Variants in ARAP2 observed in about 807,000 individuals in gnomAD.
The protein encoded by ARAP2 is arf-GAP with Rho-GAP domain, ANK repeat and PH domain-containing protein 2.
ARAP2 carries 148 observed loss-of-function variants against 194.5 expected under a neutral mutation model. The observed-to-expected ratio is 0.76, with a 90% CI of 0.67 to 0.87. The LOEUF (loss-of-function observed/expected upper bound fraction) is 0.87. Ranked by LOEUF, ARAP2 falls within the 40% of genes least tolerant of loss-of-function variation. ARAP2 has a pLI of 0.00. For synonymous variants in ARAP2, 695 were observed against 683.5 expected, an observed-to-expected ratio of 1.02 and a Z score of -0.26; for missense variants, 2,128 against 1,989.7, an observed-to-expected ratio of 1.07 and a Z score of -1.32.
chr4:36,192,426 G>C (rs1434604575), intron 7 of ARAP2, among the ~76,000 whole-genome samples: 12 of 152,114 alleles, frequency 7.9e-5, no homozygotes, highest in Non-Finnish European at 1.3e-4. Flanking sequence ...CAGAGGGAAA[G>C]AGGGAAAAAC....
At chr4:36,114,317 A>G (rs554263312) in intron 25 of ARAP2, 30 bp from the exon 26 acceptor site, 2 of 1,380,902 alleles carry the variant, frequency 1.4e-6, no homozygotes, top group Admixed American at 1.9e-5. Context: ...TTTTCAAAAA[A>G]CGTGTTAGAC....
intron 15 of ARAP2, among the ~76,000 whole-genome samples, chr4:36,154,982 TCAA>T (rs1235017287): frequency 6.6e-6 from 1 of 152,252 alleles, no homozygotes; most frequent in African/African-American, 2.4e-5. Flanking sequence ...TCTGGATAGT[TCAA>T]CTTTTCCTGT....
chr4:36,219,137 A>G (rs1748625428), intron 2 of ARAP2, among the ~76,000 whole-genome samples: 1 of 152,218 alleles, frequency 6.6e-6, no homozygotes, highest in Non-Finnish European at 1.5e-5. Context: ...GCAAATTCAT[A>G]CAACTACTTT....
intron 6 of ARAP2, among the ~76,000 whole-genome samples, chr4:36,208,195 G>C (rs1373128810): frequency 2.0e-5 from 3 of 152,176 alleles, no homozygotes; most frequent in East Asian, 3.8e-4. Flanking sequence ...ATGCAAAGGA[G>C]ACATTTTAGC....
At chr4:36,100,448 T>C (rs747058007) in intron 27 of ARAP2, among the ~76,000 whole-genome samples, 1 of 151,806 alleles carries the variant, frequency 6.6e-6, no homozygotes, top group Non-Finnish European at 1.5e-5. Flanking sequence ...CTCTAAGTGA[T>C]GAAGGGCACA....
Position 36,187,445 on chromosome 4 carries a change from T to C in ARAP2, c.1678+6A>G, listed in dbSNP as rs542132669. ...GTATTTCATATGGATAAATAAATAA[T>C]CTCACCTTCTTTTTCTACTCTAAAA... On this transcript the variant is annotated splice_donor_region_variant and intron_variant, in intron 8 of 32. Coordinates refer to ENST00000303965, the MANE Select transcript of ARAP2 (RefSeq NM_015230.4). The C allele has an allele frequency of 6.5e-6, 9 of 1,381,060 alleles. No homozygotes were observed. In the East Asian group the frequency reaches 1.5e-4, roughly 22 times the overall value. The allele number at this position is 1,381,060 out of a possible 1,614,324, so 85.6% of individuals were successfully genotyped here.
chr4:36,045,662 T>C (rs946972634), intron 5 of ARAP2, among the ~76,000 whole-genome samples: 2 of 152,130 alleles, frequency 1.3e-5, no homozygotes, highest in South Asian at 2.1e-4. Flanking sequence ...TAATAATGTA[T>C]TGTATATTTC....
intron 5 of ARAP2, among the ~76,000 whole-genome samples, chr4:36,038,768 G>A (rs1720353315): frequency 6.6e-6 from 1 of 152,158 alleles, no homozygotes; most frequent in Non-Finnish European, 1.5e-5. Context: ...GGAAGCACAT[G>A]GATAATGTTG....
Position 36,107,663 on chromosome 4 carries a change from A to G in ARAP2, c.4187T>C (p.Leu1396Pro). 6.2e-7 allele frequency: 1 copy of G among 1,609,844 alleles called. No homozygotes were observed. ...TGAACTCCACCGAAGCACCTGCTCC[A>G]GTACATTTTCCTTGTAGTGAAGAGG... ...ERPLHYKENV[L>P]EQVLRWSSLA... Residue 1396 changes from leucine (L) to proline (P), a missense_variant, in exon 27 of 33, where the codon CTG becomes CCG. By Grantham distance (98) the Leu-to-Pro change is moderately conservative. Transcript: ENST00000303965.
At position 36,160,561 on chromosome 4, in the gene ARAP2, G is replaced by T; in HGVS notation, c.2340C>A (p.Asp780Glu). 1 of 1,557,502 alleles carries T rather than the reference G, an allele frequency of 6.4e-7. No individual in the cohort carries two copies. The highest frequency in any genetic ancestry group is 1.3e-5 in the South Asian group (1 of 79,910). The change falls in exon 13 of 33, where the codon GAC becomes GAA. Residue 780 changes from aspartate (D) to glutamate (E), a missense_variant. Physicochemically the swap from Asp to Glu is conservative, Grantham distance 45. Transcript: ENST00000303965. ...AGTTTTTTCTCTTTTCTACTGGTGA[G>T]TCCATATGTAATTCTTCATCCTTTT... is the stretch of plus-strand genomic sequence containing the variant. The part of the protein sequence containing the change: ...NLQKDEELHM[D>E]SPVEKRKNFI...
intron 8 of ARAP2, among the ~76,000 whole-genome samples, chr4:36,185,160 GAC>G (rs1740232071): frequency 6.6e-6 from 1 of 152,194 alleles, no homozygotes. Flanking sequence ...TATCTAACAA[GAC>G]TTTATTTACC....
downstream of ARAP2, among the ~76,000 whole-genome samples, chr4:36,064,787 C>T (rs764222845): frequency 7.9e-5 from 12 of 152,184 alleles, no homozygotes; most frequent in Non-Finnish European, 1.6e-4. Flanking sequence ...CTTTCACAGG[C>T]TCCCCACCTC....
At chr4:36,193,537 G>T in intron 7 of ARAP2, 41 bp downstream of exon 7, 2 of 1,352,824 alleles carry the variant, frequency 1.5e-6, no homozygotes, top group Non-Finnish European at 2.0e-6. Flanking sequence ...CTCTTCGTAT[G>T]CATAAAAAAG....
chr4:36,129,306 T>C (rs1294594082), intron 20 of ARAP2, among the ~76,000 whole-genome samples: 1 of 151,852 alleles, frequency 6.6e-6, no homozygotes, highest in Non-Finnish European at 1.5e-5. Context: ...CCCAAAAGCA[T>C]CCCTTGCCTC....
intron 1 of ARAP2, among the ~76,000 whole-genome samples, chr4:36,234,951 A>G (rs1385780210): frequency 6.6e-6 from 1 of 152,246 alleles, no homozygotes; most frequent in African/African-American, 2.4e-5. Flanking sequence ...GCATTTGCCC[A>G]TGCTATCCTG....
chr4:36,098,817 A>G (rs1221793255), intron 27 of ARAP2, among the ~76,000 whole-genome samples: 3 of 152,096 alleles, frequency 2.0e-5, no homozygotes, highest in Non-Finnish European at 2.9e-5. Flanking sequence ...TCATGCCACT[A>G]AACTCCAAGA....
In ARAP2 at chr4:36,210,401, G is replaced by C. The variant is rs1196409668; in HGVS notation, c.1476C>G (p.Leu492=). The C allele has an allele frequency of 6.2e-7, 1 of 1,610,160 alleles. No homozygotes were observed. The highest frequency in any genetic ancestry group is 1.1e-5 in the South Asian group (1 of 90,394). ...GCATACGTACATACCCTTGAGGAGA[G>C]AGTTTATCCAGCCATCCTGATTTAA... ...KKVKSGWLDK[L]SPQGKRMFQK... The change falls in exon 6 of 33, where the codon CTC becomes CTG. Residue 492 remains leucine (L), a synonymous_variant. Transcript: ENST00000303965.
At chr4:36,150,020 G>T (rs1421878774) in intron 16 of ARAP2, among the ~76,000 whole-genome samples, 3 of 151,998 alleles carry the variant, frequency 2.0e-5, no homozygotes, top group Non-Finnish European at 4.4e-5. Flanking sequence ...ATCTTAGATG[G>T]CCTGCTTTTA....
intron 25 of ARAP2, among the ~76,000 whole-genome samples, chr4:36,116,069 A>T (rs568010607): frequency 6.6e-6 from 1 of 152,078 alleles, no homozygotes; most frequent in Non-Finnish European, 1.5e-5. Flanking sequence ...ATCTCTTATG[A>T]TCAGCATTAT....
Sources: allele counts gnomAD v4.1 joint callset (sites outside exome capture counted in the v4.1 genomes callset), GRCh38; gene constraint gnomAD v4.1.1; transcripts MANE v1.5; gene names NCBI Gene and HGNC (gene_info 2026-07-23, HGNC 2026-07-21).